NSMCE2: variants seen among roughly 807,000 people sequenced by gnomAD.
NSMCE2 encodes NSE2 SUMO ligase component of SMC5/6 complex, also known as E3 SUMO-protein ligase NSE2.
A neutral mutation model predicts 23.8 loss-of-function variants in NSMCE2; 24 were observed. The ratio of observed to expected loss-of-function variants is 1.01; its 90% CI spans 0.73 to 1.42. NSMCE2 has a LOEUF of 1.42. Ranked by LOEUF, NSMCE2 falls within the 40% of genes most tolerant of loss-of-function variation. NSMCE2 has a pLI of 0.00. For missense variants in NSMCE2, 284 were observed against 296.5 expected (o/e 0.96, Z 0.31); for synonymous variants, 92 against 94.1 (o/e 0.98, Z 0.13).
At position 125,182,150 on chromosome 8, in the gene NSMCE2, A is replaced by T; in HGVS notation, c.312A>T (p.Val104=). ...PEKIPDLKLL[V]EKKFLALQSK... ...AAATACCAGATTTAAAATTATTGGT[A>T]GAGAAGAAATTTTTGGCTTTACAGA... Residue 104 remains valine (V), a synonymous_variant, in exon 5 of 8, where the codon GTA becomes GTT. Coordinates refer to ENST00000287437, the MANE Select transcript of NSMCE2 (RefSeq NM_173685.4). The T allele has an allele frequency of 1.9e-6, 3 of 1,604,248 alleles. No homozygotes were observed. Among genetic ancestry groups the T allele is most frequent in the Non-Finnish European group, 2.6e-6 (3 of 1,175,816 alleles).
chr8:125,144,615 C>A (rs1456104140), intron 3 of NSMCE2, among the ~76,000 whole-genome samples: 1 of 152,192 alleles, frequency 6.6e-6, no homozygotes, highest in African/African-American at 2.4e-5. Context: ...TGAGAGTCTA[C>A]ATCTATAAAA....
chr8:125,272,765 A>G (rs1827265792), intron 5 of NSMCE2, among the ~76,000 whole-genome samples: 1 of 143,514 alleles, frequency 7.0e-6, no homozygotes, highest in African/African-American at 2.6e-5. Flanking sequence ...GTATATATAT[A>G]TACACACACA....
chr8:125,197,108 G>C (rs1016984593), intron 5 of NSMCE2, among the ~76,000 whole-genome samples: 1 of 152,176 alleles, frequency 6.6e-6, no homozygotes, highest in Non-Finnish European at 1.5e-5. Flanking sequence ...CCCTTTATCA[G>C]ATAGGTAGAT....
At chr8:125,153,633 G>A (rs1026662650) in intron 4 of NSMCE2, among the ~76,000 whole-genome samples, 8 of 152,070 alleles carry the variant, frequency 5.3e-5, no homozygotes, top group African/African-American at 1.9e-4. Context: ...TCCAGCCCTG[G>A]TTCTTCTACT....
At position 125,307,511 on chromosome 8, in the gene NSMCE2, GA is replaced by G. The variant is rs138477879; in HGVS notation, c.419-49707del. ...TACATCTCCTGAGCCCATTTGTCTG[GA>G]GTGGCAGCAAAGAACAAATCACAGA... On this transcript the variant is annotated intron_variant, in intron 5 of 7. Transcript: ENST00000287437. Among the ~76,000 whole-genome samples the G allele has an allele frequency of 6.4e-3, 981 of 152,302 alleles. 4 individuals carry two copies. Among genetic ancestry groups the G allele is most frequent in the African/African-American group, 0.022 (917 of 41,566 alleles).
Position 125,111,597 on chromosome 8 carries a change from C to T in NSMCE2, c.157+9110C>T, listed in dbSNP as rs569301552. 3.3e-5 allele frequency among the ~76,000 whole-genome samples: 5 copies of T among 152,186 alleles called. No individual in the cohort carries two copies. The East Asian group carries it at 9.7e-4, about 29-fold the overall frequency. On this transcript the variant is annotated intron_variant, in intron 3 of 7. Transcript: ENST00000287437. ...GGCGGATCACTTGAGGTCAGGAGTT[C>T]CAGATCAGCCTGGCCAACATGGTGA...
chr8:125,183,634 GGTGTGTGTGTGT>G (rs59285361), intron 5 of NSMCE2, among the ~76,000 whole-genome samples: 4 of 147,500 alleles, frequency 2.7e-5, no homozygotes, highest in Admixed American at 6.8e-5. Context: ...ATTACTCAGT[GGTGTGTGTGTGT>G]GTGTGTGTGT....
rs76776916 is a variant in NSMCE2 at position 125,293,714 on chromosome 8, G to C, written c.419-63505G>C. ...GCTGATGGGTTAAACACTGAATGCTGTGAGAGATGATGGCTTTGGAGTCCC... is the reference window on the plus strand; with the variant it reads ...GCTGATGGGTTAAACACTGAATGCTCTGAGAGATGATGGCTTTGGAGTCCC... On this transcript the variant is annotated intron_variant, in intron 5 of 7. Coordinates refer to ENST00000287437, the MANE Select transcript of NSMCE2 (RefSeq NM_173685.4). Among the ~76,000 whole-genome samples, 51 of 152,340 alleles carry C rather than the reference G, an allele frequency of 3.3e-4. No individual in the cohort carries two copies. In the East Asian group the frequency reaches 9.4e-3, roughly 28 times the overall value.
intron 5 of NSMCE2, among the ~76,000 whole-genome samples, chr8:125,193,662 G>C (rs1823467095): frequency 6.6e-6 from 1 of 152,138 alleles, no homozygotes; most frequent in Non-Finnish European, 1.5e-5. Flanking sequence ...AAGCATGCTT[G>C]GGAGGATATT....
At chr8:125,178,230 T>C (rs1822591212) in intron 4 of NSMCE2, among the ~76,000 whole-genome samples, 1 of 152,190 alleles carries the variant, frequency 6.6e-6, no homozygotes, top group South Asian at 2.1e-4. Flanking sequence ...CTCAGTTCTA[T>C]AACCTGGCCT....
chr8:125,143,081 C>T (rs981450584), intron 3 of NSMCE2, among the ~76,000 whole-genome samples: 2 of 150,024 alleles, frequency 1.3e-5, no homozygotes, highest in African/African-American at 5.0e-5. Flanking sequence ...CCCAGGACAC[C>T]CCCAGTGTGG....
chr8:125,177,212 A>G (rs1364969143), intron 4 of NSMCE2, among the ~76,000 whole-genome samples: 3 of 152,208 alleles, frequency 2.0e-5, no homozygotes, highest in Non-Finnish European at 2.9e-5. Context: ...GGCTTGGTTT[A>G]GTTAAGTCTT....
At chr8:125,314,964 G>A (rs540078687) in intron 5 of NSMCE2, among the ~76,000 whole-genome samples, 8 of 152,168 alleles carry the variant, frequency 5.3e-5, no homozygotes, top group Middle Eastern at 3.2e-3. Flanking sequence ...GATCAAGGAG[G>A]ACCTCAGAGA....
At chr8:125,115,027 T>G (rs1329651417) in intron 3 of NSMCE2, among the ~76,000 whole-genome samples, 1 of 152,246 alleles carries the variant, frequency 6.6e-6, no homozygotes, top group East Asian at 1.9e-4. Flanking sequence ...TGTATGTCCT[T>G]GAGATTAGGA....
At position 125,217,381 on chromosome 8, in the gene NSMCE2, G is replaced by C. The variant is rs1342819015; in HGVS notation, c.418+35125G>C. 2.0e-5 allele frequency among the ~76,000 whole-genome samples: 3 copies of C among 151,628 alleles called. No homozygotes were observed. The East Asian group carries it at 5.8e-4, about 29-fold the overall frequency. On this transcript the variant is annotated intron_variant, in intron 5 of 7. Transcript: ENST00000287437. Reference sequence around the variant, plus strand: ...TTTATTTTTTATTTATTTATTTTGAGATGGAGTCTTGCTGTGTCACCCAGG... The same window carrying C: ...TTTATTTTTTATTTATTTATTTTGACATGGAGTCTTGCTGTGTCACCCAGG...
chr8:125,149,534 A>T (rs1820875829), intron 3 of NSMCE2, among the ~76,000 whole-genome samples: 1 of 152,172 alleles, frequency 6.6e-6, no homozygotes, highest in African/African-American at 2.4e-5. Context: ...TCTTAAATTC[A>T]AAGTTTTTAG....
chr8:125,178,859 C>T (rs575187439), intron 4 of NSMCE2, among the ~76,000 whole-genome samples: 5 of 151,588 alleles, frequency 3.3e-5, no homozygotes, highest in East Asian at 1.9e-4. Flanking sequence ...AGTGAGACTC[C>T]GCCTCAAAAA....
At chr8:125,172,649 C>A (rs1337076698) in intron 4 of NSMCE2, among the ~76,000 whole-genome samples, 1 of 152,080 alleles carries the variant, frequency 6.6e-6, no homozygotes, top group Non-Finnish European at 1.5e-5. Flanking sequence ...AGTGAGCCAG[C>A]AACTTATTTT....
intron 5 of NSMCE2, among the ~76,000 whole-genome samples, chr8:125,229,256 A>G (rs1022481116): frequency 6.6e-6 from 1 of 152,226 alleles, no homozygotes; most frequent in African/African-American, 2.4e-5. Context: ...TGGGAGAAAT[A>G]ATCTAAGCAC....
Sources: gnomAD v4.1 joint callset for allele counts (sites outside exome capture counted in the v4.1 genomes callset) on GRCh38, gnomAD v4.1.1 for gene constraint, MANE v1.5 for transcripts, NCBI Gene and HGNC (gene_info 2026-07-23, HGNC 2026-07-21) for gene names.